Variants in IL2RA observed in about 807,000 individuals in gnomAD.
The protein encoded by IL2RA is interleukin-2 receptor subunit alpha.
A neutral mutation model predicts 37.8 loss-of-function variants in IL2RA; 24 were observed. The observed-to-expected ratio is 0.63, with a 90% CI of 0.46 to 0.89. IL2RA has a LOEUF of 0.89. Among genes scored for constraint, IL2RA ranks in the 40% least tolerant of loss-of-function variants. The pLI is 0.00. For missense variants in IL2RA, 319 were observed against 348.6 expected (o/e 0.92, Z 0.68); for synonymous variants, 125 against 114.6 (o/e 1.09, Z -0.58).
chr10:6,027,338 G>A (rs1299016635), intron 1 of IL2RA, among the ~76,000 whole-genome samples: 3 of 151,106 alleles, frequency 2.0e-5, no homozygotes, highest in Admixed American at 6.6e-5. Flanking sequence ...AAAAAAAAAC[G>A]AAGATAGGGA....
At chr10:6,030,292 T>C (rs577953029) in intron 1 of IL2RA, among the ~76,000 whole-genome samples, 2 of 152,328 alleles carry the variant, frequency 1.3e-5, no homozygotes, top group South Asian at 4.1e-4. Flanking sequence ...CAGATCCAGA[T>C]GTTCACGGCA....
In IL2RA at chr10:6,029,641, T is replaced by C. The variant is rs956759678; in HGVS notation, c.65-3616A>G. Among the ~76,000 whole-genome samples, 17 of 152,264 alleles carry C rather than the reference T, an allele frequency of 1.1e-4. 1 individual carries two copies. Among genetic ancestry groups the C allele is most frequent in the Admixed American group, 9.8e-4 (15 of 15,286 alleles). On this transcript the variant is annotated intron_variant, in intron 1 of 7. Transcript: ENST00000379959. This position sits in a 1 kb window ranked among gnomAD's most constrained non-coding sequence, Gnocchi z 4.6. ...TTTCAGAAAAAAAATTGCCAACTGC[T>C]AATTTAAAGAAAAAATGGTTATAAT...
chr10:6,062,228 C>G lies in IL2RA; in HGVS notation c.-77G>C. On this transcript the variant is annotated 5_prime_UTR_variant, in exon 1 of 8. Transcript: ENST00000379959. Reference sequence around the variant, plus strand: ...CAGAAGGCCCAGTTGCCGTCAGCCTCTTTTTGGCATCGCGCCGGAGGATGT... The same window carrying G: ...CAGAAGGCCCAGTTGCCGTCAGCCTGTTTTTGGCATCGCGCCGGAGGATGT... 7.7e-7 allele frequency: 1 copy of G among 1,296,820 alleles called. No individual in the cohort carries two copies. The highest frequency in any genetic ancestry group is 1.1e-6 in the Non-Finnish European group (1 of 892,746). The allele number at this position is 1,296,820 out of a possible 1,614,324, so 80.3% of individuals were successfully genotyped here. A position where few individuals can be genotyped will look rare whatever the true frequency, so the allele number is the denominator to read the frequency against.
At chr10:6,052,379 G>T (rs1321597519) in intron 1 of IL2RA, among the ~76,000 whole-genome samples, 1 of 152,150 alleles carries the variant, frequency 6.6e-6, no homozygotes, top group Non-Finnish European at 1.5e-5. Context: ...ATAATTGTCT[G>T]TGCAGAGGTC....
chr10:6,027,596 CT>C (rs1217910918), intron 1 of IL2RA, among the ~76,000 whole-genome samples: 2 of 152,150 alleles, frequency 1.3e-5, no homozygotes, highest in Non-Finnish European at 2.9e-5. Flanking sequence ...CAGCTTCGTG[CT>C]GTAATAATTA....
chr10:6,012,774 CT>C lies in IL2RA; in HGVS notation c.*97del. 4.7e-6 allele frequency: 6 copies of C among 1,288,584 alleles called. No individual in the cohort carries two copies. The highest frequency in any genetic ancestry group is 5.7e-6 in the Non-Finnish European group (5 of 883,286). 79.8% of individuals were successfully genotyped at this position (1,288,584 alleles called of 1,614,324 possible). ...CGCAGGCAAGCACAACGGATGTCTC[CT>C]GGGCGACCATTTAGCACCTTTGATT... On this transcript the variant is annotated 3_prime_UTR_variant, in exon 8 of 8. Transcript: ENST00000379959. This position sits in a 1 kb window ranked among gnomAD's most constrained non-coding sequence, Gnocchi z 4.8.
intron 1 of IL2RA, among the ~76,000 whole-genome samples, chr10:6,042,695 C>A (rs1839790871): frequency 6.6e-6 from 1 of 151,736 alleles, no homozygotes; most frequent in Non-Finnish European, 1.5e-5. Flanking sequence ...GCCAACAACC[C>A]AATAAAAATA....
In IL2RA at chr10:6,046,429, A is replaced by G. The variant is rs1420926972; in HGVS notation, c.64+15659T>C. On this transcript the variant is annotated intron_variant, in intron 1 of 7. Transcript: ENST00000379959. This position sits in a 1 kb window ranked among gnomAD's most constrained non-coding sequence, Gnocchi z 4.8. ...TGTGTTCACAGATGCTACCCCAGAC[A>G]TCGGGTAAGACAATGACATTTCAGG... Among the ~76,000 whole-genome samples the G allele has an allele frequency of 6.6e-6, 1 of 152,208 alleles. No homozygotes were observed. Among genetic ancestry groups the G allele is most frequent in the Non-Finnish European group, 1.5e-5 (1 of 68,044 alleles).
intron 7 of IL2RA, among the ~76,000 whole-genome samples, chr10:6,013,768 G>T (rs1839230910): frequency 6.6e-6 from 1 of 151,928 alleles, no homozygotes; most frequent in African/African-American, 2.4e-5. Flanking sequence ...GAAGTGATCA[G>T]TTGTAAGTAA....
chr10:6,040,388 C>G (rs763148248), intron 1 of IL2RA, among the ~76,000 whole-genome samples: 6 of 152,110 alleles, frequency 3.9e-5, no homozygotes, highest in Non-Finnish European at 7.4e-5. Flanking sequence ...TAGATTATAA[C>G]GGATTTCAAT....
intron 1 of IL2RA, among the ~76,000 whole-genome samples, chr10:6,037,726 C>T (rs779153218): frequency 1.3e-5 from 2 of 152,120 alleles, no homozygotes; most frequent in Non-Finnish European, 2.9e-5. Context: ...CCTGTGGCCC[C>T]TTCTCATTTC....
Position 6,058,747 on chromosome 10 carries a change from T to A in IL2RA, c.64+3341A>T, listed in dbSNP as rs866882999. ...AATTCCTAGAATGAAAGAAAGATGATCAAGGGACATACAAGCTCTCAGAAT... is the reference window on the plus strand; with the variant it reads ...AATTCCTAGAATGAAAGAAAGATGAACAAGGGACATACAAGCTCTCAGAAT... On this transcript the variant is annotated intron_variant, in intron 1 of 7. Coordinates refer to ENST00000379959, the MANE Select transcript of IL2RA (RefSeq NM_000417.3). The surrounding 1 kb of genome is among the most constrained non-coding windows in gnomAD (Gnocchi z 4.2). Among the ~76,000 whole-genome samples the A allele has an allele frequency of 1.3e-5, 2 of 152,066 alleles. No homozygotes were observed. Among genetic ancestry groups the A allele is most frequent in the Middle Eastern group, 3.4e-3 (1 of 294 alleles).
Position 6,012,541 on chromosome 10 carries a change from G to T in IL2RA, c.*331C>A. ...TACTTTTCTTTATACTACATATAGG[G>T]TGGAGAGAGTTCCATACCATTCATG... On this transcript the variant is annotated 3_prime_UTR_variant, in exon 8 of 8. Transcript: ENST00000379959. This position sits in a 1 kb window ranked among gnomAD's most constrained non-coding sequence, Gnocchi z 4.8. 1 of 446,514 alleles carries T rather than the reference G, an allele frequency of 2.2e-6. No individual in the cohort carries two copies. The highest frequency in any genetic ancestry group is 3.4e-5 in the Admixed American group (1 of 29,128). 27.7% of individuals were successfully genotyped at this position (446,514 alleles called of 1,614,324 possible). A position where few individuals can be genotyped will look rare whatever the true frequency, so the allele number is the denominator to read the frequency against.
intron 1 of IL2RA, among the ~76,000 whole-genome samples, chr10:6,026,887 T>C (rs1194399302): frequency 1.3e-5 from 2 of 152,212 alleles, no homozygotes; most frequent in Non-Finnish European, 2.9e-5. Flanking sequence ...GCTGTACTTA[T>C]GGCTGTGGGT....
intron 1 of IL2RA, among the ~76,000 whole-genome samples, chr10:6,049,292 C>T (rs955489820): frequency 3.3e-5 from 5 of 152,212 alleles, no homozygotes; most frequent in African/African-American, 1.2e-4. Flanking sequence ...CCTTCCTCTG[C>T]CTTCTTGTTC....
rs573002648 is a variant in IL2RA at position 6,047,867 on chromosome 10, A to G, written c.64+14221T>C. On this transcript the variant is annotated intron_variant, in intron 1 of 7. Coordinates refer to ENST00000379959, the MANE Select transcript of IL2RA (RefSeq NM_000417.3). The surrounding 1 kb of genome is among the most constrained non-coding windows in gnomAD (Gnocchi z 5.0). ...ACACTAATAGAGTATAATAGTCAAT[A>G]TAATTAAAATTATTACTTATGCAGT... Among the ~76,000 whole-genome samples, 21 of 151,990 alleles carry G rather than the reference A, an allele frequency of 1.4e-4. No homozygotes were observed. Among genetic ancestry groups the G allele is most frequent in the African/African-American group, 5.1e-4 (21 of 41,492 alleles).
rs971952252 is a variant in IL2RA at position 6,020,469 on chromosome 10, A to G, written c.584-528T>C. Among the ~76,000 whole-genome samples the G allele has an allele frequency of 6.6e-6, 1 of 152,170 alleles. No individual in the cohort carries two copies. The highest frequency in any genetic ancestry group is 2.4e-5 in the African/African-American group (1 of 41,432). The stretch of plus-strand genomic sequence containing the variant: ...ACAAAACAGCCTCCCTAGGGAACCC[A>G]AGAGAAGGACATGGAGTATGAGAAG... On this transcript the variant is annotated intron_variant, in intron 4 of 7. Transcript: ENST00000379959. The surrounding 1 kb of genome is among the most constrained non-coding windows in gnomAD (Gnocchi z 5.6).
At chr10:6,032,150 T>C (rs1453404327) in intron 1 of IL2RA, among the ~76,000 whole-genome samples, 2 of 68,942 alleles carry the variant, frequency 2.9e-5, no homozygotes, top group East Asian at 2.8e-3. Flanking sequence ...TGGATAAATG[T>C]ATGAGAAAAA....
At position 6,054,678 on chromosome 10, in the gene IL2RA, A is replaced by G. The variant is rs1188638392; in HGVS notation, c.64+7410T>C. 6.6e-6 allele frequency among the ~76,000 whole-genome samples: 1 copy of G among 152,004 alleles called. No individual in the cohort carries two copies. The highest frequency in any genetic ancestry group is 1.5e-5 in the Non-Finnish European group (1 of 67,992). On this transcript the variant is annotated intron_variant, in intron 1 of 7. Transcript: ENST00000379959. This position sits in a 1 kb window ranked among gnomAD's most constrained non-coding sequence, Gnocchi z 4.5. ...TCCAGCAGCATCACTAGAAAACACC[A>G]TTCTCCAGCCCCTCTCCTGATATTC...
Sources: gnomAD v4.1 joint callset for allele counts (sites outside exome capture counted in the v4.1 genomes callset) on GRCh38, gnomAD v4.1.1 for gene constraint, Gnocchi (gnomAD v3.1) non-coding constraint, MANE v1.5 for transcripts, NCBI Gene and HGNC (gene_info 2026-07-23, HGNC 2026-07-21) for gene names.